The following AKT3 variants were observed in gnomAD, a reference collection of about 807,000 sequenced individuals.
The protein encoded by AKT3 is RAC-gamma serine/threonine-protein kinase.
In AKT3, 15 loss-of-function variants were observed where a neutral mutation model predicts 65.3. The ratio of observed to expected loss-of-function variants is 0.23; its 90% CI spans 0.15 to 0.35. AKT3 has a LOEUF of 0.35. Among genes scored for constraint, AKT3 ranks in the 10% least tolerant of loss-of-function variants. The pLI is 1.00. For missense variants in AKT3, 243 were observed against 576.5 expected, an observed-to-expected ratio of 0.42 and a Z score of 5.92; for synonymous variants, 206 against 183.8, an observed-to-expected ratio of 1.12 and a Z score of -0.98.
chr1:243,664,810 A>T lies in AKT3; in HGVS notation c.246T>A (p.Val82=). The T allele has an allele frequency of 6.3e-7, 1 of 1,586,096 alleles. No homozygotes were observed. ...FIIRCLQWTT[V]IERTFHVDTP... ...TATCTACATGAAATGTTCTCTCTAT[A>T]ACAGTAGTCCACTGGAGACATCTGA... Residue 82 remains valine, a synonymous_variant, in exon 4 of 14, where the codon GTT becomes GTA. Coordinates refer to ENST00000673466, the MANE Select transcript of AKT3 (RefSeq NM_005465.7).
At chr1:243,526,130 C>A (rs75974519) in intron 12 of AKT3, among the ~76,000 whole-genome samples, 3,292 of 151,990 alleles carry the variant, frequency 0.022, 44 homozygotes, top group Middle Eastern at 0.051. Flanking sequence ...GCTGTTGTCT[C>A]CAAGTTCACT....
intron 2 of AKT3, among the ~76,000 whole-genome samples, chr1:243,718,711 G>C (rs1382190381): frequency 6.6e-6 from 1 of 151,682 alleles, no homozygotes; most frequent in Non-Finnish European, 1.5e-5. Flanking sequence ...CTGACCTCGT[G>C]ATCTGCCCGC....
intron 12 of AKT3, among the ~76,000 whole-genome samples, chr1:243,541,034 T>C (rs1225475738): frequency 1.3e-5 from 2 of 152,182 alleles, no homozygotes. Flanking sequence ...ATCTCTCCAC[T>C]GTAAAGTTAG....
intron 1 of AKT3, among the ~76,000 whole-genome samples, chr1:243,845,200 T>C (rs1318502380): frequency 2.6e-5 from 4 of 151,816 alleles, no homozygotes; most frequent in African/African-American, 4.8e-5. Flanking sequence ...CCTGACTAAA[T>C]AGCCTGACAA....
chr1:243,630,974 C>CT (rs34788254), intron 6 of AKT3, among the ~76,000 whole-genome samples: 79,017 of 147,636 alleles, frequency 0.54, 23,459 homozygotes, highest in Non-Finnish European at 0.67. Flanking sequence ...CAAATAGCCT[C>CT]TTTTTTTTTT....
intron 6 of AKT3, among the ~76,000 whole-genome samples, chr1:243,635,407 A>AG (rs1324787925): frequency 3.3e-5 from 5 of 151,904 alleles, no homozygotes; most frequent in Admixed American, 1.3e-4. Flanking sequence ...AGCAAGCAGT[A>AG]GGAAAAAAAA....
intron 2 of AKT3, among the ~76,000 whole-genome samples, chr1:243,758,038 C>T (rs779568563): frequency 7.9e-5 from 12 of 152,180 alleles, no homozygotes; most frequent in Admixed American, 1.3e-4. Context: ...GCTGGGATCA[C>T]GGGCATGAGC....
chr1:243,694,497 AT>A (rs10712450), intron 3 of AKT3, among the ~76,000 whole-genome samples: 125,884 of 151,798 alleles, frequency 0.83, 52,368 homozygotes, highest in Non-Finnish European at 0.86. Context: ...AAATATCTAT[AT>A]TAAGAATCCA....
chr1:243,600,433 T>C (rs1676925176), intron 8 of AKT3, among the ~76,000 whole-genome samples: 1 of 152,136 alleles, frequency 6.6e-6, no homozygotes, highest in African/African-American at 2.4e-5. Flanking sequence ...TGTGGCATAG[T>C]GAAGACAGTG....
chr1:243,668,120 G>A (rs1315993206), intron 3 of AKT3, among the ~76,000 whole-genome samples: 3 of 152,078 alleles, frequency 2.0e-5, no homozygotes, highest in Non-Finnish European at 4.4e-5. Flanking sequence ...CAACTAGATT[G>A]TAAGCTCCAT....
At chr1:243,653,774 T>C (rs998186818) in intron 4 of AKT3, among the ~76,000 whole-genome samples, 1 of 152,198 alleles carries the variant, frequency 6.6e-6, no homozygotes. Flanking sequence ...TATCATCCTG[T>C]TCAACAGAAA....
intron 6 of AKT3, among the ~76,000 whole-genome samples, chr1:243,630,193 A>ATAGCCC (rs1051309752): frequency 1.8e-4 from 28 of 152,342 alleles, no homozygotes; most frequent in African/African-American, 6.3e-4. Context: ...AATGTACTTT[A>ATAGCCC]TAGCCCATAC....
At chr1:243,578,891 AAGAGCC>A (rs1231636614) in intron 8 of AKT3, among the ~76,000 whole-genome samples, 1 of 152,212 alleles carries the variant, frequency 6.6e-6, no homozygotes, top group Non-Finnish European at 1.5e-5. Context: ...ATCTGGTTAC[AAGAGCC>A]AGATACATAA....
Position 243,500,174 on chromosome 1 carries a change from A to ATAT in AKT3, c.*5072_*5074dup, listed in dbSNP as rs1669125297. ...GCACATATTTTAACTAGGCCAAAGTATATTAAGGACCAAACTTTTTTTCCT... is the reference window on the plus strand; with the variant it reads ...GCACATATTTTAACTAGGCCAAAGTATATTATTAAGGACCAAACTTTTTTTCCT... On this transcript the variant is annotated 3_prime_UTR_variant, in exon 14 of 14. Coordinates refer to ENST00000673466, the MANE Select transcript of AKT3 (RefSeq NM_005465.7). The ATAT allele has an allele frequency of 3.7e-6, 1 of 273,242 alleles. No individual in the cohort carries two copies. Among genetic ancestry groups the ATAT allele is most frequent in the African/African-American group, 2.1e-5 (1 of 46,686 alleles). The allele number at this position is 273,242 out of a possible 1,614,324, so 16.9% of individuals were successfully genotyped here. A position where few individuals can be genotyped will look rare whatever the true frequency, so the allele number is the denominator to read the frequency against.
chr1:243,766,757 G>A (rs1249251944), intron 2 of AKT3, among the ~76,000 whole-genome samples: 2 of 152,074 alleles, frequency 1.3e-5, no homozygotes, highest in African/African-American at 4.8e-5. Flanking sequence ...AAAATGCCTA[G>A]AATAGGCAAT....
At chr1:243,654,951 G>T (rs575425921) in intron 4 of AKT3, among the ~76,000 whole-genome samples, 2 of 152,056 alleles carry the variant, frequency 1.3e-5, no homozygotes, top group South Asian at 2.1e-4. Flanking sequence ...TAGGACTTTT[G>T]AAACTATGGT....
At chr1:243,544,601 A>T (rs1672532773) in intron 12 of AKT3, among the ~76,000 whole-genome samples, 1 of 152,206 alleles carries the variant, frequency 6.6e-6, no homozygotes, top group Admixed American at 6.5e-5. Flanking sequence ...AGCCTGGCCA[A>T]CAGAGACCTT....
At chr1:243,736,079 C>G (rs567069927) in intron 2 of AKT3, among the ~76,000 whole-genome samples, 36 of 152,022 alleles carry the variant, frequency 2.4e-4, no homozygotes, top group Admixed American at 1.0e-3. Context: ...AGACAGAAAG[C>G]TTGAGATGGG....
rs146874036 is a variant in AKT3, at chr1:243,837,585, G to C, written c.46+5540C>G. Among the ~76,000 whole-genome samples, 206 of 152,148 alleles carry C rather than the reference G, an allele frequency of 1.4e-3. 2 individuals carry two copies. Among genetic ancestry groups the C allele is most frequent in the African/African-American group, 4.6e-3 (192 of 41,516 alleles). ...TTTTTAAATACACCATGACCAAATGGAATTTATTCCAGCAATGAAAGTAAT... is the reference window on the plus strand; with the variant it reads ...TTTTTAAATACACCATGACCAAATGCAATTTATTCCAGCAATGAAAGTAAT... On this transcript the variant is annotated intron_variant, in intron 2 of 13. Transcript: ENST00000673466.
Sources: allele counts gnomAD v4.1 joint callset (sites outside exome capture counted in the v4.1 genomes callset), GRCh38; gene constraint gnomAD v4.1.1; transcripts MANE v1.5; gene names NCBI Gene and HGNC (gene_info 2026-07-23, HGNC 2026-07-21).